Variants in SRPK1 observed in about 807,000 individuals in gnomAD.
SRPK1 encodes the protein SFRS protein kinase 1.
SRPK1 carries 52 observed loss-of-function variants against 89.5 expected under a neutral mutation model. The ratio of observed to expected loss-of-function variants is 0.58; its 90% CI spans 0.46 to 0.73. SRPK1 has a LOEUF of 0.73. Ranked by LOEUF, SRPK1 falls within the 30% of genes least tolerant of loss-of-function variation. SRPK1 has a pLI of 0.00. For synonymous variants in SRPK1, 255 were observed against 270.2 expected, an observed-to-expected ratio of 0.94 and a Z score of 0.55; for missense variants, 603 against 780.6, an observed-to-expected ratio of 0.77 and a Z score of 2.71.
intron 2 of SRPK1, among the ~76,000 whole-genome samples, chr6:35,916,876 G>A (rs1045398076): frequency 2.0e-5 from 3 of 152,190 alleles, no homozygotes; most frequent in Admixed American, 1.3e-4. Context: ...GGCCAACATG[G>A]TGAAACCCTG....
intron 6 of SRPK1, among the ~76,000 whole-genome samples, chr6:35,883,486 G>T (rs932349931): frequency 6.6e-6 from 1 of 151,980 alleles, no homozygotes; most frequent in Non-Finnish European, 1.5e-5. Flanking sequence ...ACATAAAATA[G>T]GATTGTAAAG....
rs1022129840 is a variant in SRPK1, at chr6:35,872,621, C to T, written c.693G>A (p.Leu231=). 6.2e-7 allele frequency: 1 copy of T among 1,612,204 alleles called. No individual in the cohort carries two copies. The part of the protein sequence containing the change: ...LSVNEQYIRR[L]AAEATEWQRS... ...GCTGCCATTCTGTTGCTTCTGCAGC[C>T]AGCCTCCGAATGTACTGCTCATTCA... is the stretch of plus-strand genomic sequence containing the variant. Residue 231 remains leucine (L), a synonymous_variant, in exon 8 of 16, where the codon CTG becomes CTA. Transcript: ENST00000373825.
intron 2 of SRPK1, among the ~76,000 whole-genome samples, chr6:35,892,243 G>A (rs537322282): frequency 6.6e-6 from 1 of 152,188 alleles, no homozygotes; most frequent in East Asian, 1.9e-4. Flanking sequence ...TTCTCTATAT[G>A]TCTTCAATTA....
chr6:35,848,512 G>A (rs1469232428), intron 13 of SRPK1, among the ~76,000 whole-genome samples: 1 of 152,230 alleles, frequency 6.6e-6, no homozygotes, highest in Non-Finnish European at 1.5e-5. Context: ...AGCTGTGATT[G>A]CGCCACTGCA....
intron 8 of SRPK1, 93 bp from the exon 9 acceptor site, chr6:35,871,052 C>T (rs1424803332): frequency 2.9e-6 from 3 of 1,034,538 alleles, no homozygotes; most frequent in Non-Finnish European, 4.3e-6. Context: ...AATGAAAAGT[C>T]TTTCTTATGT....
At chr6:35,836,331 C>A (rs1416055172) in intron 15 of SRPK1, among the ~76,000 whole-genome samples, 1 of 152,018 alleles carries the variant, frequency 6.6e-6, no homozygotes, top group Non-Finnish European at 1.5e-5. Context: ...CAAAACCAGT[C>A]CCTGGTGCCA....
intron 2 of SRPK1, among the ~76,000 whole-genome samples, chr6:35,898,293 G>A (rs1459273818): frequency 3.3e-5 from 5 of 152,188 alleles, no homozygotes. Flanking sequence ...AATACTGTAT[G>A]TTCTCACTTA....
intron 2 of SRPK1, among the ~76,000 whole-genome samples, chr6:35,899,306 T>C (rs74665920): frequency 0.033 from 4,950 of 152,260 alleles, 95 homozygotes; most frequent in Middle Eastern, 0.065. Flanking sequence ...TATACATATC[T>C]TCTTAGGCTT....
chr6:35,866,594 G>A (rs997980881), intron 12 of SRPK1, among the ~76,000 whole-genome samples: 29 of 151,772 alleles, frequency 1.9e-4, no homozygotes, highest in Non-Finnish European at 3.4e-4. Context: ...TAAAAAAAAA[G>A]AAAAAGAAAG....
At chr6:35,854,955 A>G (rs1409224625) in intron 13 of SRPK1, among the ~76,000 whole-genome samples, 1 of 152,166 alleles carries the variant, frequency 6.6e-6, no homozygotes, top group East Asian at 1.9e-4. Context: ...ATATTCTCTC[A>G]TTTTGTGCAA....
At chr6:35,856,688 A>G (rs781324943) in intron 13 of SRPK1, among the ~76,000 whole-genome samples, 1 of 152,208 alleles carries the variant, frequency 6.6e-6, no homozygotes, top group Admixed American at 6.5e-5. Context: ...GATTAAAGAT[A>G]TTAAGGAGTA....
At chr6:35,873,349 T>C (rs926752431) in intron 7 of SRPK1, among the ~76,000 whole-genome samples, 36 of 152,218 alleles carry the variant, frequency 2.4e-4, no homozygotes, top group African/African-American at 8.7e-4. Context: ...GCTCCAATGT[T>C]CCCAAGTCAG....
intron 6 of SRPK1, among the ~76,000 whole-genome samples, chr6:35,881,898 G>C (rs1408238499): frequency 6.6e-6 from 1 of 151,966 alleles, no homozygotes; most frequent in Non-Finnish European, 1.5e-5. Context: ...AAACCAATGA[G>C]ATCTAATAGC....
At chr6:35,888,995 C>CGCCTGTA in intron 3 of SRPK1, 72 bp from the exon 4 acceptor site, 3 of 1,020,120 alleles carry the variant, frequency 2.9e-6, no homozygotes, top group Non-Finnish European at 4.6e-6. Flanking sequence ...GCATTTTTAA[C>CGCCTGTA]ATCACATTTT....
In SRPK1 at chr6:35,888,813, A is replaced by C. The variant is rs1208555344; in HGVS notation, c.302+2T>G. 1 of 1,588,360 alleles carries C rather than the reference A, an allele frequency of 6.3e-7. No individual in the cohort carries two copies. The stretch of plus-strand genomic sequence containing the variant: ...TTCTTTTACAGAACCACTAAAACTT[A>C]CTGAATATCCCATGATAACCATACT... On this transcript the variant is annotated splice_donor_variant, in intron 4 of 15. Coordinates refer to ENST00000373825, the MANE Select transcript of SRPK1 (RefSeq NM_003137.5). LOFTEE classifies it high-confidence loss of function.
At chr6:35,864,583 T>C (rs1056194203) in intron 12 of SRPK1, among the ~76,000 whole-genome samples, 1 of 152,214 alleles carries the variant, frequency 6.6e-6, no homozygotes, top group Non-Finnish European at 1.5e-5. Context: ...GGAACCCTCC[T>C]GCACTGATGA....
chr6:35,916,238 AAATAAATT>A (rs1224516528), intron 2 of SRPK1, among the ~76,000 whole-genome samples: 1 of 147,556 alleles, frequency 6.8e-6, no homozygotes, highest in Non-Finnish European at 1.5e-5. Flanking sequence ...ATAAATAAAT[AAATAAATT>A]AATTAATTAA....
chr6:35,869,633 C>G lies in SRPK1; in HGVS notation c.1260G>C (p.Glu420Asp). The change falls in exon 11 of 16, where the codon GAG becomes GAC. Residue 420 changes from glutamate to aspartate, a missense_variant. Transcript: ENST00000373825. The part of the protein sequence containing the change: ...ETDSCTPITS[E>D]VSDTMVCQSS... ...ACTGGCACACCATGGTGTCTGACACCTCAGATGTTATAGGTGTACAAGAGT... is the reference window on the plus strand; with the variant it reads ...ACTGGCACACCATGGTGTCTGACACGTCAGATGTTATAGGTGTACAAGAGT... 1 of 1,613,928 alleles carries G rather than the reference C, an allele frequency of 6.2e-7. No individual in the cohort carries two copies. Among genetic ancestry groups the G allele is most frequent in the Non-Finnish European group, 8.5e-7 (1 of 1,179,860 alleles).
At chr6:35,907,178 CCA>C (rs1382566537) in intron 2 of SRPK1, among the ~76,000 whole-genome samples, 1 of 152,070 alleles carries the variant, frequency 6.6e-6, no homozygotes, top group East Asian at 1.9e-4. Context: ...AGGAAAAGAA[CCA>C]CAGAGAACTT....
Sources: allele counts gnomAD v4.1 joint callset (sites outside exome capture counted in the v4.1 genomes callset), GRCh38; gene constraint gnomAD v4.1.1; transcripts MANE v1.5; gene names NCBI Gene and HGNC (gene_info 2026-07-23, HGNC 2026-07-21).